The following CHST9 variants were observed in gnomAD, a reference collection of about 807,000 sequenced individuals.
The protein encoded by CHST9 is GalNAc-4-sulfotransferase 2.
A neutral mutation model predicts 44.4 loss-of-function variants in CHST9; 41 were observed. The ratio of observed to expected loss-of-function variants is 0.92; its 90% CI spans 0.72 to 1.20. CHST9 has a LOEUF of 1.20. Among genes scored for constraint, CHST9 ranks in the 50% most tolerant of loss-of-function variants. The probability of loss-of-function intolerance (pLI) is 0.00; values close to 1 mark genes in which losing one functional copy is unlikely to be tolerated. For missense variants in CHST9, 504 were observed against 516.5 expected (o/e 0.98, Z 0.23); for synonymous variants, 171 against 178.4 (o/e 0.96, Z 0.33).
chr18:27,004,186 T>C (rs1403954587), intron 4 of CHST9, among the ~76,000 whole-genome samples: 1 of 151,620 alleles, frequency 6.6e-6, no homozygotes, highest in Non-Finnish European at 1.5e-5. Context: ...GATAGGCTTG[T>C]AAAAAGGAAG....
intron 2 of CHST9, among the ~76,000 whole-genome samples, chr18:27,095,944 C>T (rs1352749145): frequency 3.3e-5 from 5 of 152,024 alleles, no homozygotes; most frequent in Admixed American, 3.3e-4. Flanking sequence ...ACCTAATAGA[C>T]ATATACAGAA....
chr18:27,171,733 T>C (rs2058835029), intron 1 of CHST9, among the ~76,000 whole-genome samples: 1 of 152,226 alleles, frequency 6.6e-6, no homozygotes, highest in Non-Finnish European at 1.5e-5. Flanking sequence ...CATTGAGTTC[T>C]ACATGCAATA....
intron 2 of CHST9, among the ~76,000 whole-genome samples, chr18:27,113,299 T>G (rs1374662304): frequency 6.6e-6 from 1 of 152,170 alleles, no homozygotes; most frequent in Non-Finnish European, 1.5e-5. Flanking sequence ...AATAATTCAT[T>G]TTAGTCAAAT....
chr18:27,016,394 G>A (rs2143430318), intron 4 of CHST9, among the ~76,000 whole-genome samples: 1 of 152,232 alleles, frequency 6.6e-6, no homozygotes, highest in South Asian at 2.1e-4. Flanking sequence ...TTCTCCACTG[G>A]TTACATGGCT....
At chr18:27,105,624 T>C (rs1298725064) in intron 2 of CHST9, among the ~76,000 whole-genome samples, 5 of 152,296 alleles carry the variant, frequency 3.3e-5, no homozygotes, top group Middle Eastern at 3.4e-3. Context: ...TACACCTCTT[T>C]CAAGTCCTGC....
intron 5 of CHST9, among the ~76,000 whole-genome samples, chr18:26,926,154 C>T (rs1015539460): frequency 1.3e-5 from 2 of 152,172 alleles, no homozygotes; most frequent in African/African-American, 4.8e-5. Flanking sequence ...CAGTCTTCTC[C>T]AAGCTATGAG....
chr18:27,109,800 G>T (rs1328417826), intron 2 of CHST9, among the ~76,000 whole-genome samples: 1 of 152,000 alleles, frequency 6.6e-6, no homozygotes, highest in African/African-American at 2.4e-5. Flanking sequence ...CTGTGCCCCA[G>T]TTACCTAGGT....
intron 2 of CHST9, among the ~76,000 whole-genome samples, chr18:27,122,884 T>C (rs1415838295): frequency 2.6e-5 from 4 of 151,562 alleles, no homozygotes; most frequent in African/African-American, 9.7e-5. Context: ...TTTAAGTGAG[T>C]GAAAGGACCA....
At position 26,911,101 on chromosome 18, in the gene CHST9, C is replaced by T. The variant is rs1050765559; in HGVS notation, c.*5158G>A. On this transcript the variant is annotated 3_prime_UTR_variant, in exon 6 of 6. Coordinates refer to ENST00000618847, the MANE Select transcript of CHST9 (RefSeq NM_031422.6). Reference sequence around the variant, plus strand: ...TTCCCTCAGCTGCCCTGCTCTAGCACCTTCCTTTCAGATCCTCTGGTCCTA... The same window carrying T: ...TTCCCTCAGCTGCCCTGCTCTAGCATCTTCCTTTCAGATCCTCTGGTCCTA... 6.6e-6 allele frequency: 1 copy of T among 152,220 alleles called. No individual in the cohort carries two copies. The highest frequency in any genetic ancestry group is 2.4e-5 in the African/African-American group (1 of 41,454). 9.4% of individuals were successfully genotyped at this position (152,220 alleles called of 1,614,324 possible).
intron 4 of CHST9, among the ~76,000 whole-genome samples, chr18:27,020,570 T>C (rs12953982): frequency 0.13 from 19,382 of 152,262 alleles, 1,352 homozygotes; most frequent in East Asian, 0.26. Context: ...GAGATGTTTA[T>C]ATTCATTATC....
intron 1 of CHST9, among the ~76,000 whole-genome samples, chr18:27,143,750 C>T (rs1035109362): frequency 8.6e-5 from 13 of 151,812 alleles, no homozygotes; most frequent in Admixed American, 2.6e-4. Flanking sequence ...AGTGAGAACA[C>T]GTGGATGCAG....
rs189953666 is a variant in CHST9 at position 27,181,931 on chromosome 18, C to T, written c.-97+3205G>A. ...CAGTCTGCCCATCTTCCCCACCTCC[C>T]CACAAATGGGTTTTCGTGTTTGAGG... is the stretch of plus-strand genomic sequence containing the variant. On this transcript the variant is annotated intron_variant, in intron 1 of 5. Transcript: ENST00000618847. 1.2e-3 allele frequency among the ~76,000 whole-genome samples: 183 copies of T among 152,278 alleles called. 1 individual carries two copies. Among genetic ancestry groups the T allele is most frequent in the Non-Finnish European group, 1.2e-3 (82 of 68,030 alleles).
intron 1 of CHST9, among the ~76,000 whole-genome samples, chr18:27,143,407 G>A (rs2058584771): frequency 1.3e-5 from 2 of 152,108 alleles, no homozygotes; most frequent in East Asian, 1.9e-4. Context: ...AAATCCTTCA[G>A]AGGCATAAAA....
At chr18:27,111,030 T>G (rs1465766978) in intron 2 of CHST9, among the ~76,000 whole-genome samples, 1 of 152,254 alleles carries the variant, frequency 6.6e-6, no homozygotes, top group Non-Finnish European at 1.5e-5. Context: ...AGTCTATCAG[T>G]GTGGCTTCTC....
intron 4 of CHST9, among the ~76,000 whole-genome samples, chr18:26,947,167 C>A (rs188512294): frequency 2.6e-5 from 4 of 152,182 alleles, no homozygotes; most frequent in Non-Finnish European, 5.9e-5. Flanking sequence ...AATGTTTTTC[C>A]ATTTGTTTGT....
chr18:27,167,221 T>A, intron 1 of CHST9, among the ~76,000 whole-genome samples: 1 of 152,190 alleles, frequency 6.6e-6, no homozygotes, highest in East Asian at 1.9e-4. Context: ...TTTGCCAGAG[T>A]GGCTTATTTT....
In CHST9 at chr18:27,080,333, C is replaced by T; in HGVS notation, c.122-31830G>A. Among the ~76,000 whole-genome samples, 2 of 151,802 alleles carry T rather than the reference C, an allele frequency of 1.3e-5. 1 individual carries two copies. Among genetic ancestry groups the T allele is most frequent in the Non-Finnish European group, 2.9e-5 (2 of 67,992 alleles). On this transcript the variant is annotated intron_variant, in intron 2 of 5. Coordinates refer to ENST00000618847, the MANE Select transcript of CHST9 (RefSeq NM_031422.6). ...CTCTCATCTGGAAATGCCATTTCCT[C>T]CTCTTCTACTTGGTTAACTCTTACT...
At chr18:26,953,186 T>C (rs1466223295) in intron 4 of CHST9, among the ~76,000 whole-genome samples, 1 of 152,210 alleles carries the variant, frequency 6.6e-6, no homozygotes, top group African/African-American at 2.4e-5. Flanking sequence ...ATGGTGAGTT[T>C]AAGAACTTAA....
At chr18:27,045,162 A>C (rs1005002781) in intron 3 of CHST9, among the ~76,000 whole-genome samples, 3 of 152,000 alleles carry the variant, frequency 2.0e-5, no homozygotes, top group Non-Finnish European at 4.4e-5. Flanking sequence ...AAAGTACGCA[A>C]TTGATTTCTC....
Sources: gnomAD v4.1 joint callset for allele counts (sites outside exome capture counted in the v4.1 genomes callset) on GRCh38, gnomAD v4.1.1 for gene constraint, MANE v1.5 for transcripts, NCBI Gene and HGNC (gene_info 2026-07-23, HGNC 2026-07-21) for gene names.